SPOCK3: variants seen among roughly 807,000 people sequenced by gnomAD.
SPOCK3 encodes testican-3.
Under a neutral mutation model 56.6 loss-of-function variants are expected in SPOCK3, and 30 were observed. That is an observed-to-expected ratio of 0.53 (90% confidence interval 0.40 to 0.72). The LOEUF (loss-of-function observed/expected upper bound fraction) is 0.72, where lower values mean the gene tolerates loss of function less well. Ranked by LOEUF, SPOCK3 falls within the 30% of genes least tolerant of loss-of-function variation. SPOCK3 has a pLI of 0.00. For missense variants in SPOCK3, 527 were observed against 530.0 expected (o/e 0.99, Z 0.06); for synonymous variants, 196 against 183.3 (o/e 1.07, Z -0.56).
chr4:166,886,827 G>A (rs545394571), intron 6 of SPOCK3, among the ~76,000 whole-genome samples: 151 of 152,260 alleles, frequency 9.9e-4, no homozygotes, highest in African/African-American at 3.4e-3. Flanking sequence ...ACAGTTGAAA[G>A]ATTAGAAATG....
chr4:167,175,815 T>C (rs919681676), intron 2 of SPOCK3, among the ~76,000 whole-genome samples: 1 of 152,188 alleles, frequency 6.6e-6, no homozygotes, highest in African/African-American at 2.4e-5. Flanking sequence ...TATGCCACTC[T>C]GGTACTGTGT....
chr4:166,794,774 C>G (rs1233420095), intron 6 of SPOCK3, among the ~76,000 whole-genome samples: 12 of 151,530 alleles, frequency 7.9e-5, no homozygotes. Context: ...TCCTGAGTAG[C>G]TGGGATTACA....
chr4:166,792,262 A>T lies in SPOCK3; in HGVS notation c.617T>A (p.Val206Glu). Residue 206 changes from valine (V) to glutamate (E), a missense_variant, in exon 7 of 11, where the codon GTG becomes GAG. By Grantham distance (121) the Val-to-Glu change is moderately radical (BLOSUM62 -2). Coordinates refer to ENST00000357545, the MANE Select transcript of SPOCK3 (RefSeq NM_001040159.2). ...RACSDLEFREVANRLRDWFKA... is the reference protein window; with the variant it reads ...RACSDLEFREEANRLRDWFKA... The stretch of plus-strand genomic sequence containing the variant: ...GAACCAGTCCCGCAATCTGTTTGCC[A>T]CTTCCCTGAACTCCAGGTCACTGCA... The T allele has an allele frequency of 6.2e-7, 1 of 1,613,858 alleles. No homozygotes were observed. The highest frequency in any genetic ancestry group is 8.5e-7 in the Non-Finnish European group (1 of 1,179,816).
At chr4:167,007,217 T>C (rs1452430861) in intron 3 of SPOCK3, among the ~76,000 whole-genome samples, 1 of 152,164 alleles carries the variant, frequency 6.6e-6, no homozygotes, top group Non-Finnish European at 1.5e-5. Flanking sequence ...GTCATCCTTT[T>C]GTATCTGTAG....
chr4:167,161,742 G>A (rs900932129), intron 2 of SPOCK3, among the ~76,000 whole-genome samples: 1 of 152,008 alleles, frequency 6.6e-6, no homozygotes, highest in Non-Finnish European at 1.5e-5. Context: ...CCTTTGTAGG[G>A]ACATGGATGA....
At chr4:167,038,662 C>CAAA (rs1426579462) in intron 3 of SPOCK3, among the ~76,000 whole-genome samples, 31 of 33,968 alleles carry the variant, frequency 9.1e-4, no homozygotes, top group Non-Finnish European at 1.3e-3. Context: ...TTTATTTTTT[C>CAAA]CAAAAAAAAA....
chr4:167,231,581 T>C (rs1737184926), intron 2 of SPOCK3, among the ~76,000 whole-genome samples: 1 of 152,144 alleles, frequency 6.6e-6, no homozygotes, highest in Non-Finnish European at 1.5e-5. Context: ...AAGTAATGCC[T>C]TATCGCCATG....
At chr4:166,828,525 A>G (rs945399604) in intron 6 of SPOCK3, among the ~76,000 whole-genome samples, 1 of 151,904 alleles carries the variant, frequency 6.6e-6, no homozygotes, top group Non-Finnish European at 1.5e-5. Flanking sequence ...TTTACTTTAT[A>G]CCCAGAGTTG....
chr4:167,173,825 T>C (rs1020574274), intron 2 of SPOCK3, among the ~76,000 whole-genome samples: 2 of 152,102 alleles, frequency 1.3e-5, no homozygotes, highest in Non-Finnish European at 2.9e-5. Flanking sequence ...AATTAGTGAT[T>C]GTAGCCTTAT....
At position 166,899,293 on chromosome 4, in the gene SPOCK3, T is replaced by TCTATCTATCTATCTATCTAA. The variant is rs555306781; in HGVS notation, c.475-10050_475-10049insTTAGATAGATAGATAGATAG. Among the ~76,000 whole-genome samples, 566 of 139,114 alleles carry TCTATCTATCTATCTATCTAA rather than the reference T, an allele frequency of 4.1e-3. 12 individuals carry two copies. Among genetic ancestry groups the TCTATCTATCTATCTATCTAA allele is most frequent in the East Asian group, 7.7e-3 (35 of 4,560 alleles). 91.3% of individuals were successfully genotyped at this position (139,114 alleles called of 152,430 possible). A position where few individuals can be genotyped will look rare whatever the true frequency, so the allele number is the denominator to read the frequency against. On this transcript the variant is annotated intron_variant, in intron 5 of 10. Coordinates refer to ENST00000357545, the MANE Select transcript of SPOCK3 (RefSeq NM_001040159.2). Reference sequence around the variant, plus strand: ...ATCTATCTATCTATCTATCTATCTATCTATCTATGTACCCTATGGGTTGTA... The same window carrying TCTATCTATCTATCTATCTAA: ...ATCTATCTATCTATCTATCTATCTATCTATCTATCTATCTATCTAACTATCTATGTACCCTATGGGTTGTA...
chr4:166,824,878 T>C (rs1029752807), intron 6 of SPOCK3, among the ~76,000 whole-genome samples: 2 of 152,070 alleles, frequency 1.3e-5, no homozygotes, highest in African/African-American at 4.8e-5. Flanking sequence ...CACTAATTGA[T>C]ACACTTTACT....
intron 2 of SPOCK3, among the ~76,000 whole-genome samples, chr4:167,139,592 A>C (rs1400843387): frequency 6.6e-6 from 1 of 152,016 alleles, no homozygotes; most frequent in Non-Finnish European, 1.5e-5. Flanking sequence ...ATTTCTCTTT[A>C]AATGTAAAAT....
chr4:167,005,637 C>G (rs1344505128), intron 3 of SPOCK3, among the ~76,000 whole-genome samples: 1 of 151,660 alleles, frequency 6.6e-6, no homozygotes, highest in South Asian at 2.1e-4. Context: ...TTGTGCAAAC[C>G]CTCTACTCTG....
intron 7 of SPOCK3, among the ~76,000 whole-genome samples, chr4:166,774,048 T>C (rs189857134): frequency 9.3e-4 from 142 of 152,362 alleles, no homozygotes; most frequent in African/African-American, 3.3e-3. Flanking sequence ...GGTACAAATA[T>C]AAGATAATTG....
At chr4:166,794,643 C>CTTTTTTTTTTT (rs1170214198) in intron 6 of SPOCK3, among the ~76,000 whole-genome samples, 1 of 127,368 alleles carries the variant, frequency 7.9e-6, no homozygotes, top group Non-Finnish European at 1.7e-5. Flanking sequence ...TTCTTTCTTT[C>CTTTTTTTTTTT]TTTTTTTTTT....
At chr4:167,075,260 A>C (rs577647807) in intron 2 of SPOCK3, among the ~76,000 whole-genome samples, 5 of 152,084 alleles carry the variant, frequency 3.3e-5, no homozygotes, top group African/African-American at 7.2e-5. Flanking sequence ...AAAGACATGC[A>C]AAATACAAAG....
In SPOCK3 at chr4:167,191,856, C is replaced by T. The variant is rs556845546; in HGVS notation, c.189+42129G>A. Among the ~76,000 whole-genome samples the T allele has an allele frequency of 1.5e-4, 22 of 145,344 alleles. 3 individuals carry two copies. In the South Asian group the frequency reaches 4.7e-3, roughly 31 times the overall value. On this transcript the variant is annotated intron_variant, in intron 2 of 10. Transcript: ENST00000357545. ...ATAAAAGTGGTGATCCTCTCTTGTT[C>T]TTGATCTTAGGAAAAAAACCTTCAG... is the stretch of plus-strand genomic sequence containing the variant.
intron 3 of SPOCK3, among the ~76,000 whole-genome samples, chr4:167,061,339 GCTTGA>G (rs1294201415): frequency 2.0e-5 from 3 of 151,852 alleles, no homozygotes; most frequent in Non-Finnish European, 2.9e-5. Flanking sequence ...TAGAGCATTG[GCTTGA>G]CTTATTAGTA....
At chr4:166,856,379 T>C (rs1028534672) in intron 6 of SPOCK3, among the ~76,000 whole-genome samples, 2 of 152,214 alleles carry the variant, frequency 1.3e-5, no homozygotes, top group Non-Finnish European at 2.9e-5. Flanking sequence ...ATTGAGGCTA[T>C]GCTAATTAGC....
Sources: allele counts gnomAD v4.1 joint callset (sites outside exome capture counted in the v4.1 genomes callset), GRCh38; gene constraint gnomAD v4.1.1; transcripts MANE v1.5; gene names NCBI Gene and HGNC (gene_info 2026-07-23, HGNC 2026-07-21).